Variants in SPTBN2 observed in about 807,000 individuals in gnomAD.
The protein encoded by SPTBN2 is spectrin beta, non-erythrocytic 2.
A neutral mutation model predicts 284.2 loss-of-function variants in SPTBN2; 107 were observed. The observed-to-expected ratio is 0.38, with a 90% confidence interval of 0.32 to 0.44. The LOEUF (loss-of-function observed/expected upper bound fraction) is 0.44. Ranked by LOEUF, SPTBN2 falls within the 20% of genes least tolerant of loss-of-function variation. The pLI, the probability that SPTBN2 is intolerant of heterozygous loss-of-function variation, is 1.00. For missense variants in SPTBN2, 2,569 were observed against 3,287.1 expected, an observed-to-expected ratio of 0.78 and a Z score of 5.34; for synonymous variants, 1,289 against 1,354.8, an observed-to-expected ratio of 0.95 and a Z score of 1.07.
In SPTBN2 at chr11:66,685,971, A is replaced by T. The variant is rs1940078852; in HGVS notation, c.7073T>A (p.Val2358Glu). Reference sequence around the variant, plus strand: ...AGGCCCCTCAGCCCCGACGGGTGACACTGGGGGCATGGTCATGGCCCGGGT... The same window carrying T: ...AGGCCCCTCAGCCCCGACGGGTGACTCTGGGGGCATGGTCATGGCCCGGGT... ...GMTRAMTMPP[V>E]SPVGAEGPVV... Residue 2358 changes from valine (V) to glutamate (E), a missense_variant, in exon 38 of 38, where the codon GTG (valine) becomes GAG (glutamate). This residue lies in a region of SPTBN2 where 1,130 missense variants were observed against 1,317.3 expected (regional missense o/e 0.86). Transcript: ENST00000533211. The surrounding 1 kb of genome is among the most constrained non-coding windows in gnomAD (Gnocchi z 4.4). 1 of 1,613,728 alleles carries T rather than the reference A, an allele frequency of 6.2e-7. No individual in the cohort carries two copies. The highest frequency in any genetic ancestry group is 1.3e-5 in the African/African-American group (1 of 74,906).
chr11:66,707,944 T>C lies in SPTBN2; in HGVS notation c.1351-126A>G. On this transcript the variant is annotated intron_variant, in intron 12 of 37. Coordinates refer to ENST00000533211, the MANE Select transcript of SPTBN2 (RefSeq NM_006946.4). The surrounding 1 kb of genome is among the most constrained non-coding windows in gnomAD (Gnocchi z 4.9). ...ATGCGGTGGCTCTAAGTTCCCTCTC[T>C]ATCCCACCCCCATCCTGTCTCACCA... is the stretch of plus-strand genomic sequence containing the variant. The C allele has an allele frequency of 7.2e-7, 1 of 1,396,008 alleles. No individual in the cohort carries two copies. Among genetic ancestry groups the C allele is most frequent in the Non-Finnish European group, 9.8e-7 (1 of 1,023,748 alleles). 86.5% of individuals were successfully genotyped at this position (1,396,008 alleles called of 1,614,324 possible).
chr11:66,692,510 G>C, intron 26 of SPTBN2, 26 bp downstream of exon 26: 2 of 1,599,252 alleles, frequency 1.3e-6, no homozygotes, highest in Non-Finnish European at 1.7e-6. Context: ...CGGTTGATCT[G>C]AGCTGGGTGC....
chr11:66,701,364 A>G (rs1328434284), intron 16 of SPTBN2, 82 bp from the exon 17 acceptor site: 3 of 1,566,672 alleles, frequency 1.9e-6, no homozygotes, highest in South Asian at 1.2e-5. Context: ...CTCTCTTGGT[A>G]GCTCCCCTTC....
At chr11:66,720,296 A>C (rs527377725) in intron 3 of SPTBN2, among the ~76,000 whole-genome samples, 1 of 152,260 alleles carries the variant, frequency 6.6e-6, no homozygotes, top group African/African-American at 2.4e-5. Context: ...CAGCAGGTCA[A>C]TGGCAATGAC....
intron 15 of SPTBN2, among the ~76,000 whole-genome samples, chr11:66,701,937 G>A (rs1044266770): frequency 2.0e-5 from 3 of 152,074 alleles, no homozygotes; most frequent in African/African-American, 4.8e-5. Context: ...AACTGTCATC[G>A]CTAGAAATGC....
chr11:66,700,982 C>A lies in SPTBN2; in HGVS notation c.3117G>T (p.Arg1039=). The change falls in exon 17 of 38, where the codon CGG becomes CGT. Residue 1039 remains arginine, a synonymous_variant. Transcript: ENST00000533211. The surrounding 1 kb of genome is among the most constrained non-coding windows in gnomAD (Gnocchi z 6.6). ...HPAQAVAINA[R]LREVQTGWED... is the part of the protein sequence containing the mutation. ...CCCAGCCGGTCTGCACCTCTCTCAGCCGGGCGTTGATGGCCACTGCCTGAG... is the reference window on the plus strand; with the variant it reads ...CCCAGCCGGTCTGCACCTCTCTCAGACGGGCGTTGATGGCCACTGCCTGAG... 6.2e-7 allele frequency: 1 copy of A among 1,607,034 alleles called. No individual in the cohort carries two copies. The highest frequency in any genetic ancestry group is 8.5e-7 in the Non-Finnish European group (1 of 1,179,838).
chr11:66,702,018 C>T (rs1011890550), intron 15 of SPTBN2, among the ~76,000 whole-genome samples: 1 of 152,200 alleles, frequency 6.6e-6, no homozygotes, highest in Non-Finnish European at 1.5e-5. Flanking sequence ...ATGGGGCCAA[C>T]CCTTTATCAG....
chr11:66,734,057 C>T (rs1291891463), upstream of SPTBN2, among the ~76,000 whole-genome samples: 2 of 150,998 alleles, frequency 1.3e-5, no homozygotes, highest in African/African-American at 2.4e-5. Flanking sequence ...TGTCTTACTT[C>T]TCCTCTTGGC....
chr11:66,719,364 C>A (rs1022522739), intron 3 of SPTBN2, among the ~76,000 whole-genome samples: 1 of 152,224 alleles, frequency 6.6e-6, no homozygotes, highest in Admixed American at 6.5e-5. Flanking sequence ...ATATACCAGG[C>A]GCCCTTCCTC....
chr11:66,710,769 C>G lies in SPTBN2; in HGVS notation c.886G>C (p.Val296Leu). Residue 296 changes from valine (V) to leucine (L), a missense_variant and splice_region_variant, in exon 10 of 38, where the codon GTG becomes CTG. Physicochemically the swap from Val to Leu is conservative, Grantham distance 32. Transcript: ENST00000533211. This position sits in a 1 kb window ranked among gnomAD's most constrained non-coding sequence, Gnocchi z 4.9. ...LAVEGKRIGK[V>L]LDHAMEAERL... ...TCTGCCTCCATGGCATGGTCCAGCA[C>G]CTGGGAGGCAGAAGACAGGGACGTG... 1.9e-6 allele frequency: 3 copies of G among 1,613,904 alleles called. No homozygotes were observed. Among genetic ancestry groups the G allele is most frequent in the Non-Finnish European group, 2.5e-6 (3 of 1,180,034 alleles).
At position 66,699,452 on chromosome 11, in the gene SPTBN2, T is replaced by C. The variant is rs769518812; in HGVS notation, c.3730A>G (p.Ile1244Val). The change falls in exon 18 of 38, where the codon ATC becomes GTC. Residue 1244 changes from isoleucine to valine, a missense_variant. By Grantham distance (29) the Ile-to-Val change is conservative. Transcript: ENST00000533211. ...AGRQLVSEGN[I>V]HADKIREKAD... is the part of the protein sequence containing the mutation. ...TTTTCCCGAATCTTGTCGGCGTGGA[T>C]GTTGCCTTCAGATACCAGCTGGCGG... 6.2e-7 allele frequency: 1 copy of C among 1,614,148 alleles called. No individual in the cohort carries two copies. The highest frequency in any genetic ancestry group is 8.5e-7 in the Non-Finnish European group (1 of 1,180,024).
chr11:66,731,514 C>G (rs2135603224), upstream of SPTBN2, among the ~76,000 whole-genome samples: 1 of 152,336 alleles, frequency 6.6e-6, no homozygotes, highest in African/African-American at 2.4e-5. Context: ...GTTTCAATAC[C>G]AGGGAAGAGG....
intron 1 of SPTBN2, among the ~76,000 whole-genome samples, chr11:66,737,117 T>C (rs1035139777): frequency 6.6e-6 from 1 of 152,222 alleles, no homozygotes; most frequent in Non-Finnish European, 1.5e-5. Context: ...GTGTTAGCTA[T>C]TACTGTTATC....
intron 29 of SPTBN2, 115 bp downstream of exon 29, chr11:66,689,690 G>A (rs1266904514): frequency 8.7e-6 from 13 of 1,489,504 alleles, no homozygotes; most frequent in Middle Eastern, 2.3e-4. Flanking sequence ...GGCACTGAGG[G>A]GAGAGAATGA....
Position 66,687,812 on chromosome 11 carries a change from C to T in SPTBN2, c.6501+56G>A, listed in dbSNP as rs1420731965. The T allele has an allele frequency of 1.9e-6, 3 of 1,610,886 alleles. No homozygotes were observed. The highest frequency in any genetic ancestry group is 4.5e-5 in the East Asian group (2 of 44,862). On this transcript the variant is annotated intron_variant, in intron 34 of 37. Coordinates refer to ENST00000533211, the MANE Select transcript of SPTBN2 (RefSeq NM_006946.4). This position sits in a 1 kb window ranked among gnomAD's most constrained non-coding sequence, Gnocchi z 5.2. ...GTACTCCCCCACCCGCACTCACCAC[C>T]CCCTCTGGACCCTTCGCCTCACAGT...
rs1590975119 is a variant in SPTBN2, at chr11:66,718,198, A to G, written c.158-2217T>C. Among the ~76,000 whole-genome samples, 1 of 152,292 alleles carries G rather than the reference A, an allele frequency of 6.6e-6. No homozygotes were observed. Among genetic ancestry groups the G allele is most frequent in the Middle Eastern group, 3.4e-3 (1 of 294 alleles). On this transcript the variant is annotated intron_variant, in intron 3 of 37. Coordinates refer to ENST00000533211, the MANE Select transcript of SPTBN2 (RefSeq NM_006946.4). The surrounding 1 kb of genome is among the most constrained non-coding windows in gnomAD (Gnocchi z 4.8). ...CAGCACCCCAAGGCCCGGCAGTCAC[A>G]CCCACCCATGCCATCATACACGGTC...
At chr11:66,729,857 A>G (rs929610876), upstream of SPTBN2, among the ~76,000 whole-genome samples, 4 of 152,190 alleles carry the variant, frequency 2.6e-5, no homozygotes, top group Non-Finnish European at 5.9e-5. Context: ...GCTGGAGTAC[A>G]GTGGCTTGAT....
chr11:66,723,407 G>A (rs1590987084), intron 1 of SPTBN2, among the ~76,000 whole-genome samples: 2 of 152,128 alleles, frequency 1.3e-5, no homozygotes, highest in Non-Finnish European at 1.5e-5. Context: ...ATAGAGAAGT[G>A]CTGGGTGGTG....
At chr11:66,719,253 T>C (rs1942284736) in intron 3 of SPTBN2, among the ~76,000 whole-genome samples, 1 of 152,256 alleles carries the variant, frequency 6.6e-6, no homozygotes, top group Non-Finnish European at 1.5e-5. Flanking sequence ...TTCCACTTGC[T>C]TATCACCACC....
Sources: gnomAD v4.1 joint callset for allele counts (sites outside exome capture counted in the v4.1 genomes callset) on GRCh38, gnomAD v4.1.1 for gene constraint, gnomAD v4.1.1 regional missense constraint, Gnocchi (gnomAD v3.1) non-coding constraint, MANE v1.5 for transcripts, NCBI Gene and HGNC (gene_info 2026-07-23, HGNC 2026-07-21) for gene names.